Variants in PLCB1 observed in about 807,000 individuals in gnomAD.
PLCB1 encodes 1-phosphatidylinositol 4,5-bisphosphate phosphodiesterase beta-1.
Under a neutral mutation model 161.8 loss-of-function variants are expected in PLCB1, and 46 were observed. The observed-to-expected ratio is 0.28, with a 90% CI of 0.22 to 0.36. The LOEUF (loss-of-function observed/expected upper bound fraction) is 0.36. Ranked by LOEUF, PLCB1 falls within the 10% of genes least tolerant of loss-of-function variation. The probability of loss-of-function intolerance (pLI) is 1.00; values close to 1 mark genes in which losing one functional copy is unlikely to be tolerated. For missense variants in PLCB1, 1,016 were observed against 1,472.5 expected (o/e 0.69, Z 5.07); for synonymous variants, 517 against 503.7 (o/e 1.03, Z -0.35).
At chr20:8,725,545 T>G (rs991169530) in intron 16 of PLCB1, among the ~76,000 whole-genome samples, 1 of 152,158 alleles carries the variant, frequency 6.6e-6, no homozygotes, top group African/African-American at 2.4e-5. Context: ...ATTTGTATAA[T>G]CTTACAAAAA....
At chr20:8,725,921 A>G (rs1166712936) in intron 16 of PLCB1, among the ~76,000 whole-genome samples, 2 of 152,130 alleles carry the variant, frequency 1.3e-5, no homozygotes. Flanking sequence ...TATTCAACAT[A>G]TTTTACCAAG....
chr20:8,678,687 T>G (rs919514825), intron 9 of PLCB1, among the ~76,000 whole-genome samples: 24 of 152,198 alleles, frequency 1.6e-4, no homozygotes, highest in Non-Finnish European at 1.2e-4. Context: ...ACTGGAGACA[T>G]TCAGCCCCTC....
chr20:8,163,144 G>A (rs77899204), intron 2 of PLCB1, among the ~76,000 whole-genome samples: 1,630 of 152,324 alleles, frequency 0.011, 21 homozygotes, highest in Non-Finnish European at 0.016. Flanking sequence ...AGGGCCATGG[G>A]GAAGTGAGAT....
chr20:8,446,233 G>A (rs1980819168), intron 3 of PLCB1, among the ~76,000 whole-genome samples: 1 of 152,150 alleles, frequency 6.6e-6, no homozygotes, highest in African/African-American at 2.4e-5. Flanking sequence ...CTTCATCCCT[G>A]GGATGCAAGG....
chr20:8,800,535 G>C (rs962503540), intron 31 of PLCB1, among the ~76,000 whole-genome samples: 1 of 151,990 alleles, frequency 6.6e-6, no homozygotes, highest in Non-Finnish European at 1.5e-5. Flanking sequence ...AACCATTTTG[G>C]CATCAAAATG....
intron 3 of PLCB1, chr20:8,371,652 G>A (rs1986907278): frequency 2.4e-6 from 1 of 408,656 alleles, no homozygotes; most frequent in Non-Finnish European, 4.3e-6. Flanking sequence ...AGAGGGGCTT[G>A]CTTTATGTCC....
chr20:8,406,228 A>G (rs542090619), intron 3 of PLCB1, among the ~76,000 whole-genome samples: 13 of 152,312 alleles, frequency 8.5e-5, no homozygotes, highest in African/African-American at 3.1e-4. Context: ...TTAAAGCTAC[A>G]TTTTAAAATC....
At chr20:8,541,588 G>GAA (rs1261743464) in intron 3 of PLCB1, among the ~76,000 whole-genome samples, 1 of 150,632 alleles carries the variant, frequency 6.6e-6, no homozygotes, top group Non-Finnish European at 1.5e-5. Context: ...AAGAAAGAAA[G>GAA]AAAGAAAGAA....
intron 3 of PLCB1, among the ~76,000 whole-genome samples, chr20:8,454,189 C>G (rs1981198065): frequency 1.3e-5 from 2 of 152,158 alleles, no homozygotes; most frequent in Non-Finnish European, 2.9e-5. Flanking sequence ...GCAGCCCGAG[C>G]TCACTAATAA....
chr20:8,393,223 C>A (rs1297468358), intron 3 of PLCB1, among the ~76,000 whole-genome samples: 1 of 152,104 alleles, frequency 6.6e-6, no homozygotes, highest in African/African-American at 2.4e-5. Context: ...GAACAGAGGG[C>A]TTGAGAGAAG....
chr20:8,874,739 AT>A (rs1201849962), intron 31 of PLCB1, among the ~76,000 whole-genome samples: 1 of 151,982 alleles, frequency 6.6e-6, no homozygotes, highest in Non-Finnish European at 1.5e-5. Flanking sequence ...GTTTTGTTTT[AT>A]TTTTTGGTTG....
At chr20:8,144,111 A>G (rs1600195459) in intron 1 of PLCB1, among the ~76,000 whole-genome samples, 1 of 152,314 alleles carries the variant, frequency 6.6e-6, no homozygotes, top group East Asian at 1.9e-4. Flanking sequence ...GTATCCGGCC[A>G]GTTCACTGCC....
At chr20:8,413,471 A>G (rs966922059) in intron 3 of PLCB1, among the ~76,000 whole-genome samples, 1 of 152,212 alleles carries the variant, frequency 6.6e-6, no homozygotes, top group Non-Finnish European at 1.5e-5. Context: ...TAAAATCCGA[A>G]TCTGCTTCCA....
intron 3 of PLCB1, among the ~76,000 whole-genome samples, chr20:8,450,442 C>A (rs868160924): frequency 3.9e-5 from 6 of 151,914 alleles, no homozygotes; most frequent in African/African-American, 1.4e-4. Flanking sequence ...TCAGTTGGAT[C>A]ATTCTTAGGT....
intron 31 of PLCB1, among the ~76,000 whole-genome samples, chr20:8,856,987 G>A (rs1209727358): frequency 6.6e-6 from 1 of 152,220 alleles, no homozygotes; most frequent in African/African-American, 2.4e-5. Flanking sequence ...AGTCAACTGA[G>A]CATGAGGTGG....
At chr20:8,713,880 C>T (rs1979154534) in intron 12 of PLCB1, among the ~76,000 whole-genome samples, 1 of 152,016 alleles carries the variant, frequency 6.6e-6, no homozygotes, top group South Asian at 2.1e-4. Context: ...TTATCTGGGC[C>T]TGATTTGGGG....
chr20:8,713,236 A>G (rs1333065051), intron 12 of PLCB1, among the ~76,000 whole-genome samples: 2 of 152,212 alleles, frequency 1.3e-5, no homozygotes, highest in East Asian at 1.9e-4. Context: ...TCACCCAGGC[A>G]GGAGTGCAGT....
intron 3 of PLCB1, among the ~76,000 whole-genome samples, chr20:8,574,114 T>C (rs1986604399): frequency 6.6e-6 from 1 of 152,232 alleles, no homozygotes; most frequent in Admixed American, 6.5e-5. Flanking sequence ...TTTAAAATGC[T>C]GTGGTTGGCC....
At chr20:8,181,224 G>C (rs1269913850) in intron 2 of PLCB1, among the ~76,000 whole-genome samples, 5 of 143,486 alleles carry the variant, frequency 3.5e-5, no homozygotes, top group Non-Finnish European at 6.0e-5. Context: ...ACTCCAGCCT[G>C]GCCGATAGAA....
Sources: gnomAD v4.1 joint callset for allele counts (sites outside exome capture counted in the v4.1 genomes callset) on GRCh38, gnomAD v4.1.1 for gene constraint, MANE v1.5 for transcripts, NCBI Gene and HGNC (gene_info 2026-07-23, HGNC 2026-07-21) for gene names.